COL24A1: variants seen among roughly 807,000 people sequenced by gnomAD.
COL24A1 encodes collagen type XXIV alpha 1 chain.
A neutral mutation model predicts 253.9 loss-of-function variants in COL24A1; 224 were observed. The observed-to-expected ratio is 0.88, with a 90% CI of 0.79 to 0.99. The LOEUF (loss-of-function observed/expected upper bound fraction) is 0.99, where lower values mean the gene tolerates loss of function less well. COL24A1 is among the 50% of genes least tolerant of loss of function. The probability of loss-of-function intolerance (pLI) is 0.00; values close to 1 mark genes in which losing one functional copy is unlikely to be tolerated. For missense variants in COL24A1, 2,131 were observed against 2,068.5 expected, an observed-to-expected ratio of 1.03 and a Z score of -0.59; for synonymous variants, 685 against 673.7, an observed-to-expected ratio of 1.02 and a Z score of -0.26.
intron 19 of COL24A1, among the ~76,000 whole-genome samples, chr1:85,989,368 C>CCCA (rs763264974): frequency 6.6e-6 from 1 of 151,594 alleles, no homozygotes; most frequent in Non-Finnish European, 1.5e-5. Flanking sequence ...TTTTTCCCTC[C>CCCA]CCACCACCAC....
At chr1:86,028,588 G>A (rs906362326) in intron 14 of COL24A1, among the ~76,000 whole-genome samples, 3 of 152,216 alleles carry the variant, frequency 2.0e-5, no homozygotes, top group African/African-American at 7.2e-5. Context: ...GTGGAACTGT[G>A]AGTCAATTAA....
intron 35 of COL24A1, among the ~76,000 whole-genome samples, chr1:85,874,211 C>T (rs1373110194): frequency 6.6e-6 from 1 of 152,100 alleles, no homozygotes; most frequent in Admixed American, 6.5e-5. Flanking sequence ...CAACAATTTA[C>T]AATTATGTCC....
chr1:85,733,622 C>T (rs1384087066), intron 59 of COL24A1, among the ~76,000 whole-genome samples: 1 of 151,698 alleles, frequency 6.6e-6, no homozygotes, highest in East Asian at 1.9e-4. Flanking sequence ...CTCTGTTGCC[C>T]AGGCTGGAGT....
chr1:85,901,824 CAAAAAAAAAAAA>C (rs55862441), intron 28 of COL24A1, among the ~76,000 whole-genome samples: 27 of 57,798 alleles, frequency 4.7e-4, no homozygotes, highest in Admixed American at 4.5e-3. Flanking sequence ...GACTCCGTCT[CAAAAAAAAAAAA>C]AAAAAAAAAA....
chr1:86,031,452 C>A (rs1324794760), intron 14 of COL24A1, among the ~76,000 whole-genome samples: 1 of 151,974 alleles, frequency 6.6e-6, no homozygotes, highest in Non-Finnish European at 1.5e-5. Flanking sequence ...ACCAATTATT[C>A]AAATTTGATC....
chr1:86,022,540 T>C lies in COL24A1; in HGVS notation c.2200A>G (p.Lys734Glu). ...AAAATTAATGGTATAAACATTACCT[T>C]GTCTCCAGGATACCCGGGTTCTCCT... ...ELGEPGYPGD[K>E]GAVGLPGPPG... is the part of the protein sequence containing the mutation. Residue 734 changes from lysine (K) to glutamate (E), a missense_variant and splice_region_variant, in exon 17 of 60, where the codon AAG becomes GAG. Transcript: ENST00000370571. 6.2e-7 allele frequency: 1 copy of C among 1,611,050 alleles called. No homozygotes were observed.
At chr1:85,751,264 CA>C (rs372746628) in intron 55 of COL24A1, among the ~76,000 whole-genome samples, 6 of 2,202 alleles carry the variant, frequency 2.7e-3, no homozygotes, top group Admixed American at 6.1e-3. Flanking sequence ...GGAAACTGAA[CA>C]ACCTGCTCCT....
chr1:86,045,181 G>A (rs1699801657), intron 12 of COL24A1, among the ~76,000 whole-genome samples: 1 of 151,908 alleles, frequency 6.6e-6, no homozygotes, highest in Admixed American at 6.6e-5. Context: ...GTAGAGATGG[G>A]GTTTTGCCAT....
chr1:86,112,544 T>C, intron 5 of COL24A1, 23 bp downstream of exon 5: 1 of 1,605,356 alleles, frequency 6.2e-7, no homozygotes, highest in East Asian at 2.2e-5. Flanking sequence ...TTAGCTTAAG[T>C]TGCCTGATTA....
intron 10 of COL24A1, among the ~76,000 whole-genome samples, chr1:86,053,076 G>A (rs1212970006): frequency 1.3e-5 from 2 of 152,034 alleles, no homozygotes; most frequent in African/African-American, 2.4e-5. Flanking sequence ...GTTGGAGAAT[G>A]GGAAATGTTT....
intron 51 of COL24A1, among the ~76,000 whole-genome samples, chr1:85,782,156 G>A (rs1401410242): frequency 6.6e-6 from 1 of 152,026 alleles, no homozygotes; most frequent in Non-Finnish European, 1.5e-5. Context: ...GTGCCATCTC[G>A]GCTCACTGTA....
chr1:86,014,045 T>G (rs751641458), intron 19 of COL24A1, among the ~76,000 whole-genome samples: 2 of 152,204 alleles, frequency 1.3e-5, no homozygotes, highest in Non-Finnish European at 2.9e-5. Flanking sequence ...CTCTTTCAAC[T>G]TCTTTCTTCT....
At chr1:85,739,741 T>C (rs6686719) in intron 57 of COL24A1, among the ~76,000 whole-genome samples, 137,777 of 152,132 alleles carry the variant, frequency 0.91, 63,028 homozygotes, top group Non-Finnish European at 0.97. Context: ...AACATGTTGG[T>C]CTTCAGTTCC....
At chr1:86,141,084 T>C (rs1267711904) in intron 2 of COL24A1, among the ~76,000 whole-genome samples, 1 of 152,096 alleles carries the variant, frequency 6.6e-6, no homozygotes, top group Non-Finnish European at 1.5e-5. Context: ...AGTTAATGAG[T>C]AGAAGAGACA....
chr1:85,734,062 C>T (rs1663791646), intron 59 of COL24A1, among the ~76,000 whole-genome samples: 1 of 151,748 alleles, frequency 6.6e-6, no homozygotes, highest in South Asian at 2.1e-4. Flanking sequence ...GCCACCATGC[C>T]TGGCTAATTT....
At chr1:86,092,774 T>G (rs932684868) in intron 5 of COL24A1, among the ~76,000 whole-genome samples, 2 of 151,932 alleles carry the variant, frequency 1.3e-5, no homozygotes, top group African/African-American at 4.8e-5. Context: ...GCACATGTAT[T>G]ACTTTTATTA....
chr1:85,847,637 C>T (rs377730452), intron 39 of COL24A1, 28 bp downstream of exon 39: 24 of 1,541,096 alleles, frequency 1.6e-5, no homozygotes, highest in Non-Finnish European at 2.1e-5. Flanking sequence ...CACAGTGACT[C>T]AATTCTGGAA....
At chr1:85,783,580 A>C in intron 50 of COL24A1, 22 bp from the exon 51 acceptor site, 1 of 1,606,850 alleles carries the variant, frequency 6.2e-7, no homozygotes, top group Non-Finnish European at 8.5e-7. Context: ...ATAAGAAACA[A>C]AAAGATAAAA....
At position 85,842,104 on chromosome 1, in the gene COL24A1, T is replaced by C. The variant is rs1676674770; in HGVS notation, c.3534A>G (p.Pro1178=). 6.2e-7 allele frequency: 1 copy of C among 1,613,834 alleles called. No individual in the cohort carries two copies. The highest frequency in any genetic ancestry group is 1.7e-5 in the Admixed American group (1 of 59,984). The change falls in exon 41 of 60, where the codon CCA becomes CCG. Residue 1178 remains proline (P), a synonymous_variant. Transcript: ENST00000370571. ...IPGYRGHQGQ[P]GPSGLPGPKG... is the part of the protein sequence containing the mutation. ...TAGGTCCTGGCAATCCAGAGGGTCC[T>C]GGTTGGCCCTGATGGCCCTACGAAA... is the stretch of plus-strand genomic sequence containing the variant.
Sources: allele counts gnomAD v4.1 joint callset (sites outside exome capture counted in the v4.1 genomes callset), GRCh38; gene constraint gnomAD v4.1.1; transcripts MANE v1.5; gene names NCBI Gene and HGNC (gene_info 2026-07-23, HGNC 2026-07-21).